COL21A1: variants seen among roughly 807,000 people sequenced by gnomAD.
COL21A1 encodes the protein collagen type XXI alpha 1 chain.
COL21A1 carries 149 observed loss-of-function variants against 137.9 expected under a neutral mutation model. The observed-to-expected ratio is 1.08, with a 90% CI of 0.95 to 1.24. The LOEUF (loss-of-function observed/expected upper bound fraction) is 1.24, where lower values mean the gene tolerates loss of function less well. Ranked by LOEUF, COL21A1 falls within the 50% of genes most tolerant of loss-of-function variation. COL21A1 has a pLI of 0.00. For synonymous variants in COL21A1, 456 were observed against 391.5 expected, an observed-to-expected ratio of 1.16 and a Z score of -1.95; for missense variants, 1,167 against 1,158.4, an observed-to-expected ratio of 1.01 and a Z score of -0.11.
intron 17 of COL21A1, among the ~76,000 whole-genome samples, chr6:56,092,359 T>A (rs962327681): frequency 2.4e-4 from 37 of 152,188 alleles, no homozygotes; most frequent in Non-Finnish European, 4.9e-4. Context: ...GATCCTTTTT[T>A]ACGCATACAT....
intron 1 of COL21A1, among the ~76,000 whole-genome samples, chr6:56,226,386 G>C (rs1334161096): frequency 6.6e-6 from 1 of 151,980 alleles, no homozygotes; most frequent in African/African-American, 2.4e-5. Context: ...TAACTTTCAA[G>C]AGATAGATAT....
intron 29 of COL21A1, among the ~76,000 whole-genome samples, chr6:56,058,240 G>A (rs764191321): frequency 6.6e-5 from 10 of 151,928 alleles, no homozygotes; most frequent in Admixed American, 2.0e-4. Flanking sequence ...TTTTTGTGCC[G>A]TATTTGCAAC....
intron 1 of COL21A1, among the ~76,000 whole-genome samples, chr6:56,327,602 G>A (rs922101209): frequency 1.3e-5 from 2 of 151,920 alleles, no homozygotes; most frequent in Admixed American, 6.6e-5. Context: ...AGGTAGAGGA[G>A]CCCAAGGCAA....
chr6:56,196,125 A>G (rs576854170), intron 1 of COL21A1, among the ~76,000 whole-genome samples: 1 of 152,296 alleles, frequency 6.6e-6, no homozygotes, highest in Admixed American at 6.5e-5. Flanking sequence ...TTATACGATC[A>G]TCTAAATACA....
intron 1 of COL21A1, among the ~76,000 whole-genome samples, chr6:56,279,915 G>A (rs1763753564): frequency 6.6e-6 from 1 of 152,110 alleles, no homozygotes; most frequent in African/African-American, 2.4e-5. Context: ...AGGAAGTTAA[G>A]CCTGATAAAT....
intron 1 of COL21A1, among the ~76,000 whole-genome samples, chr6:56,371,504 C>A (rs994669476): frequency 1.3e-5 from 2 of 152,178 alleles, no homozygotes; most frequent in East Asian, 1.9e-4. Context: ...AAGTTCCCCC[C>A]ATTCACGTGG....
chr6:56,223,894 T>C (rs1301233039), intron 1 of COL21A1, among the ~76,000 whole-genome samples: 1 of 151,902 alleles, frequency 6.6e-6, no homozygotes, highest in Non-Finnish European at 1.5e-5. Flanking sequence ...TATTGGAAGA[T>C]ACTCATGGAG....
In COL21A1 at chr6:56,325,611, T is replaced by TAA. The variant is rs1562057205; in HGVS notation, c.-39+68359_-39+68360insTT. Among the ~76,000 whole-genome samples the TAA allele has an allele frequency of 6.8e-4, 10 of 14,704 alleles. 1 individual carries two copies. Among genetic ancestry groups the TAA allele is most frequent in the African/African-American group, 8.0e-4 (3 of 3,764 alleles). 9.6% of individuals were successfully genotyped at this position (14,704 alleles called of 152,430 possible). On this transcript the variant is annotated intron_variant, in intron 1 of 28. Coordinates refer to the COL21A1 transcript ENST00000370819. ...TATAATATATATAATATATTATCTA[T>TAA]TATATATAATAATCTATTATATATA...
At chr6:56,378,563 A>C (rs2094003660) in intron 1 of COL21A1, among the ~76,000 whole-genome samples, 1 of 152,194 alleles carries the variant, frequency 6.6e-6, no homozygotes, top group African/African-American at 2.4e-5. Flanking sequence ...CTGCGGTACA[A>C]TAGAACACCA....
At chr6:56,200,385 A>T (rs1779302539) in intron 1 of COL21A1, among the ~76,000 whole-genome samples, 1 of 151,968 alleles carries the variant, frequency 6.6e-6, no homozygotes, top group Non-Finnish European at 1.5e-5. Flanking sequence ...TACATGTGCC[A>T]TGTTGGTGTG....
At chr6:56,098,731 T>G (rs562907454) in intron 17 of COL21A1, among the ~76,000 whole-genome samples, 1 of 74,914 alleles carries the variant, frequency 1.3e-5, no homozygotes, top group Non-Finnish European at 3.0e-5. Context: ...ATATATATAT[T>G]TTGAGACGGG....
chr6:56,242,669 A>G (rs901637384), intron 1 of COL21A1, among the ~76,000 whole-genome samples: 9 of 152,226 alleles, frequency 5.9e-5, no homozygotes, highest in African/African-American at 2.2e-4. Flanking sequence ...ATTGGTAAAA[A>G]CCAAAATGTC....
rs532073822 is a variant in COL21A1 at position 56,181,298 on chromosome 6, T to A, written c.89-1169A>T. ...AATGGAGTTCTGTCCAGAGGCAAAC[T>A]TCCTAACCCAAGGGAATGCAATTTT... On this transcript the variant is annotated intron_variant, in intron 2 of 29. Transcript: ENST00000244728. Among the ~76,000 whole-genome samples the A allele has an allele frequency of 9.2e-5, 14 of 152,270 alleles. No individual in the cohort carries two copies. In the East Asian group the frequency reaches 1.5e-3, roughly 17 times the overall value.
chr6:56,244,850 A>G (rs940734664), intron 1 of COL21A1, among the ~76,000 whole-genome samples: 3 of 152,342 alleles, frequency 2.0e-5, no homozygotes, highest in East Asian at 1.9e-4. Context: ...CATTAATACC[A>G]TAAATATTTT....
chr6:56,315,432 T>C (rs1161470521), intron 1 of COL21A1, among the ~76,000 whole-genome samples: 2 of 152,100 alleles, frequency 1.3e-5, no homozygotes, highest in East Asian at 3.8e-4. Flanking sequence ...ATGGAGAGAA[T>C]TAGTCATTTA....
Position 56,139,086 on chromosome 6 carries a change from G to A in COL21A1, c.1542+2699C>T, listed in dbSNP as rs372514294. 3.8e-4 allele frequency among the ~76,000 whole-genome samples: 58 copies of A among 152,210 alleles called. 1 individual carries two copies. The South Asian group carries it at 0.011, about 29-fold the overall frequency. On this transcript the variant is annotated intron_variant, in intron 12 of 29. Transcript: ENST00000244728. The stretch of plus-strand genomic sequence containing the variant: ...ACGGGTAGGAGGGTAGACATAGTGG[G>A]AAGACATTTAGGGAATTTCTGTCTG...
intron 1 of COL21A1, among the ~76,000 whole-genome samples, chr6:56,376,446 G>GTTT (rs11395018): frequency 7.5e-5 from 11 of 146,372 alleles, no homozygotes; most frequent in African/African-American, 2.7e-4. Flanking sequence ...GGTAAAGAAA[G>GTTT]TTTTTTTTTT....
intron 1 of COL21A1, among the ~76,000 whole-genome samples, chr6:56,260,582 A>AG (rs1345527496): frequency 4.0e-5 from 1 of 25,142 alleles, no homozygotes; most frequent in African/African-American, 6.1e-5. Flanking sequence ...AAAAAAAAAA[A>AG]AGAAAGAAGA....
At chr6:56,190,136 A>C (rs917356819) in intron 1 of COL21A1, among the ~76,000 whole-genome samples, 1 of 152,232 alleles carries the variant, frequency 6.6e-6, no homozygotes, top group Non-Finnish European at 1.5e-5. Context: ...ACCCTTCAAA[A>C]AATCAATGAA....
Sources: allele counts gnomAD v4.1 joint callset (sites outside exome capture counted in the v4.1 genomes callset), GRCh38; gene constraint gnomAD v4.1.1; transcripts MANE v1.5; gene names NCBI Gene and HGNC (gene_info 2026-07-23, HGNC 2026-07-21).